TTC7A: variants seen among roughly 807,000 people sequenced by gnomAD.
TTC7A encodes tetratricopeptide repeat domain 7A, also known as tetratricopeptide repeat protein 7A.
A neutral mutation model predicts 103.7 loss-of-function variants in TTC7A; 110 were observed. The ratio of observed to expected loss-of-function variants is 1.06; its 90% confidence interval spans 0.91 to 1.24. The LOEUF is 1.24. Ranked by LOEUF, TTC7A falls within the 50% of genes most tolerant of loss-of-function variation. The probability of loss-of-function intolerance (pLI) is 0.00; values close to 1 mark genes in which losing one functional copy is unlikely to be tolerated. For synonymous variants in TTC7A, 521 were observed against 467.9 expected, an observed-to-expected ratio of 1.11 and a Z score of -1.47; for missense variants, 1,340 against 1,116.3, an observed-to-expected ratio of 1.20 and a Z score of -2.86.
chr2:47,010,746 C>G (rs1010514130), intron 10 of TTC7A, among the ~76,000 whole-genome samples: 2 of 152,216 alleles, frequency 1.3e-5, no homozygotes, highest in Non-Finnish European at 2.9e-5. Flanking sequence ...GTCACCCAGG[C>G]TGGAGTGCGG....
chr2:46,999,761 G>C (rs1204048949), intron 8 of TTC7A: 132 of 985,370 alleles, frequency 1.3e-4, no homozygotes, highest in Non-Finnish European at 1.6e-4. Flanking sequence ...CTGAAATACT[G>C]ATCTGGGGCA....
At chr2:46,955,732 G>A (rs1671796263) in intron 2 of TTC7A, among the ~76,000 whole-genome samples, 4 of 152,214 alleles carry the variant, frequency 2.6e-5, no homozygotes, top group Admixed American at 1.3e-4. Flanking sequence ...AAGGAGTGCT[G>A]GAGGCTTGCC....
chr2:47,006,630 C>T lies in TTC7A; in HGVS notation c.1204-11C>T, dbSNP rs779300693. 6.2e-7 allele frequency: 1 copy of T among 1,612,094 alleles called. No individual in the cohort carries two copies. The highest frequency in any genetic ancestry group is 2.2e-5 in the East Asian group (1 of 44,858). ...CCTGGTGGGTAAATGCTGACTATCT[C>T]CCCTCCCCAGTGCCTGGAGCGAGCC... On this transcript the variant is annotated splice_polypyrimidine_tract_variant and intron_variant, in intron 9 of 19. Transcript: ENST00000319190.
chr2:47,044,592 A>G (rs568024563), intron 15 of TTC7A, among the ~76,000 whole-genome samples: 2 of 152,214 alleles, frequency 1.3e-5, no homozygotes, highest in African/African-American at 4.8e-5. Context: ...CTATGTTCCA[A>G]GATGGGTGCA....
At chr2:46,991,138 A>G (rs1444373348) in intron 5 of TTC7A, among the ~76,000 whole-genome samples, 2 of 151,648 alleles carry the variant, frequency 1.3e-5, no homozygotes, top group Non-Finnish European at 2.9e-5. Flanking sequence ...CTGGTCTTGA[A>G]CTACTGACCT....
intron 14 of TTC7A, 114 bp downstream of exon 14, chr2:47,024,473 G>C (rs372767049): frequency 7.8e-5 from 73 of 934,924 alleles, no homozygotes; most frequent in Non-Finnish European, 1.1e-4. Context: ...CCCTGAGTTT[G>C]TTTCCTTATC....
intron 2 of TTC7A, among the ~76,000 whole-genome samples, chr2:46,955,574 G>A (rs1298713565): frequency 6.6e-6 from 1 of 152,186 alleles, no homozygotes; most frequent in Non-Finnish European, 1.5e-5. Context: ...TTAGGCCAGG[G>A]GGAAGGGGAC....
intron 1 of TTC7A, among the ~76,000 whole-genome samples, chr2:46,916,806 T>G (rs558408698): frequency 5.9e-5 from 9 of 152,102 alleles, no homozygotes; most frequent in Admixed American, 6.5e-5. Context: ...GGCTAATTTT[T>G]GTATTTTTAG....
rs779575736 is a variant in TTC7A at position 47,006,731 on chromosome 2, C to T, written c.1287+7C>T. 1 of 1,609,588 alleles carries T rather than the reference C, an allele frequency of 6.2e-7. No individual in the cohort carries two copies. Among genetic ancestry groups the T allele is most frequent in the Non-Finnish European group, 8.5e-7 (1 of 1,175,908 alleles). On this transcript the variant is annotated splice_region_variant and intron_variant, in intron 10 of 19. Coordinates refer to ENST00000319190, the MANE Select transcript of TTC7A (RefSeq NM_020458.4). ...CATGGTGGCTTGTGGGAAGGTAAGGCCCAGGGGGCGCTAGGGGTTGCACAC... is the reference window on the plus strand; with the variant it reads ...CATGGTGGCTTGTGGGAAGGTAAGGTCCAGGGGGCGCTAGGGGTTGCACAC...
At position 47,073,761 on chromosome 2, in the gene TTC7A, C is replaced by T. The variant is rs771372965; in HGVS notation, c.2415C>T (p.Ala805=). 56 of 1,613,682 alleles carry T rather than the reference C, an allele frequency of 3.5e-5. No homozygotes were observed. The highest frequency in any genetic ancestry group is 1.5e-4 in the South Asian group (14 of 91,078). The change falls in exon 20 of 20, where the codon GCC becomes GCT. Residue 805 remains alanine (A), a synonymous_variant. Transcript: ENST00000319190. ...KSLAQKVLRD[A]VERQSTCHEA... Reference sequence around the variant, plus strand: ...TGGCCCAGAAGGTGCTTCGTGATGCCGTGGAGAGGCAGAGTACGTGCCACG... The same window carrying T: ...TGGCCCAGAAGGTGCTTCGTGATGCTGTGGAGAGGCAGAGTACGTGCCACG...
intron 3 of TTC7A, among the ~76,000 whole-genome samples, chr2:46,965,828 A>T (rs1672785936): frequency 6.6e-6 from 1 of 151,608 alleles, no homozygotes; most frequent in Non-Finnish European, 1.5e-5. Context: ...CTCCAGGAGT[A>T]CTGGAGTTAC....
chr2:47,051,755 G>A lies in TTC7A; in HGVS notation c.2027G>A (p.Arg676Gln), dbSNP rs765995326. ...DAHDADSGSR[R>Q]ASSIAASRLE... ...CCCTCTTGCTCTGCAGGCTCCCGGC[G>A]GGCTTCGTCCATCGCCGCCTCCCGG... Residue 676 changes from arginine to glutamine, a missense_variant, in exon 18 of 20, where the codon CGG becomes CAG. By Grantham distance (43) the Arg-to-Gln change is conservative. Coordinates refer to ENST00000319190, the MANE Select transcript of TTC7A (RefSeq NM_020458.4). 8.7e-6 allele frequency: 14 copies of A among 1,609,920 alleles called. No individual in the cohort carries two copies. The highest frequency in any genetic ancestry group is 4.4e-5 in the South Asian group (4 of 90,884).
chr2:47,045,286 T>G (rs1345022520), intron 15 of TTC7A, among the ~76,000 whole-genome samples: 1 of 152,050 alleles, frequency 6.6e-6, no homozygotes, highest in Admixed American at 6.5e-5. Context: ...CCCCCAGACC[T>G]CCCCAGCATC....
At chr2:46,927,939 G>A (rs551855153) in intron 2 of TTC7A, among the ~76,000 whole-genome samples, 1 of 136,996 alleles carries the variant, frequency 7.3e-6, no homozygotes, top group East Asian at 2.1e-4. Flanking sequence ...TGTCACCCAG[G>A]CTGGAGTATA....
chr2:47,036,333 C>T (rs1681104416), intron 15 of TTC7A, among the ~76,000 whole-genome samples: 1 of 152,204 alleles, frequency 6.6e-6, no homozygotes, highest in Non-Finnish European at 1.5e-5. Context: ...TTTAAAGCTT[C>T]AAAGTGAGAT....
chr2:46,950,413 AAGG>A lies in TTC7A; in HGVS notation c.238_240del (p.Glu80del). ...TGAGGCCCTCCTGGAGCAGTGTTTG[AAGG>A]AGAACCATGCCAAAATAAAAGACTC... is the stretch of plus-strand genomic sequence containing the variant. On this transcript the variant is annotated inframe_deletion, in exon 2 of 20. Coordinates refer to ENST00000319190, the MANE Select transcript of TTC7A (RefSeq NM_020458.4). The A allele has an allele frequency of 6.2e-7, 1 of 1,614,156 alleles. No homozygotes were observed. Among genetic ancestry groups the A allele is most frequent in the Non-Finnish European group, 8.5e-7 (1 of 1,180,034 alleles).
rs200556024 is a variant in TTC7A at position 47,047,974 on chromosome 2, CT to C, written c.1919+1544del. ...CCCTGCCCTACACTGAGGGTAGAAT[CT>C]AGTTTGGAGCCAAGGATTAAGACCA... is the stretch of plus-strand genomic sequence containing the variant. On this transcript the variant is annotated intron_variant, in intron 16 of 19. Coordinates refer to ENST00000319190, the MANE Select transcript of TTC7A (RefSeq NM_020458.4). Among the ~76,000 whole-genome samples the C allele has an allele frequency of 6.8e-3, 1,029 of 152,296 alleles. 12 individuals carry two copies. Among genetic ancestry groups the C allele is most frequent in the African/African-American group, 0.024 (984 of 41,558 alleles).
At chr2:47,051,654 GTCTCCCCA>G in intron 17 of TTC7A, 84 bp from the exon 18 acceptor site, 7 of 1,466,996 alleles carry the variant, frequency 4.8e-6, no homozygotes, top group Non-Finnish European at 6.4e-6. Flanking sequence ...AGGGTGCCCT[GTCTCCCCA>G]TGGTGCTGGG....
At position 47,074,306 on chromosome 2, in the gene TTC7A, C is replaced by A. The variant is rs1033623195; in HGVS notation, c.*383C>A. 5 of 202,162 alleles carry A rather than the reference C, an allele frequency of 2.5e-5. No individual in the cohort carries two copies. Among genetic ancestry groups the A allele is most frequent in the Non-Finnish European group, 4.0e-5 (4 of 99,848 alleles). 12.5% of individuals were successfully genotyped at this position (202,162 alleles called of 1,614,324 possible). ...GCACAGTACAGACTTCTGGATCTCT[C>A]TCAGGTCTTGCCCAGGGCGGTCACA... On this transcript the variant is annotated 3_prime_UTR_variant, in exon 20 of 20. Transcript: ENST00000319190.
Sources: allele counts gnomAD v4.1 joint callset (sites outside exome capture counted in the v4.1 genomes callset), GRCh38; gene constraint gnomAD v4.1.1; transcripts MANE v1.5; gene names NCBI Gene and HGNC (gene_info 2026-07-23, HGNC 2026-07-21).